TET1: variants seen among roughly 807,000 people sequenced by gnomAD.
TET1 encodes the protein methylcytosine dioxygenase TET1.
TET1 carries 13 observed loss-of-function variants against 148.7 expected under a neutral mutation model. That is an observed-to-expected ratio of 0.09 (90% CI 0.06 to 0.14). TET1 has a LOEUF of 0.14. Ranked by LOEUF, TET1 falls within the 10% of genes least tolerant of loss-of-function variation. The pLI is 1.00. For missense variants in TET1, 2,182 were observed against 2,553.8 expected, an observed-to-expected ratio of 0.85 and a Z score of 3.14; for synonymous variants, 907 against 937.2, an observed-to-expected ratio of 0.97 and a Z score of 0.59.
chr10:68,572,287 G>C lies in TET1; in HGVS notation c.-52G>C. On this transcript the variant is annotated 5_prime_UTR_variant, in exon 2 of 12. Transcript: ENST00000373644. ...CTCCTCAGAAGTGAGACTTTCCAAA[G>C]GACCAATGACTCTGTTTCCTGCGCC... 2 of 1,469,424 alleles carry C rather than the reference G, an allele frequency of 1.4e-6. No individual in the cohort carries two copies. The allele number at this position is 1,469,424 out of a possible 1,614,324, so 91.0% of individuals were successfully genotyped here.
Position 68,646,652 on chromosome 10 carries a change from A to G in TET1, c.3923A>G (p.Gln1308Arg). The change falls in exon 4 of 12, where the codon CAG becomes CGG. Residue 1308 changes from glutamine to arginine, a missense_variant. Physicochemically the swap from Gln to Arg is conservative, Grantham distance 43. This residue lies in a region of TET1 where 582 missense variants were observed against 599.5 expected (regional missense o/e 0.97). Coordinates refer to ENST00000373644, the MANE Select transcript of TET1 (RefSeq NM_030625.3). ...ACCCAGCCCTCCTCTCCACCTAACC[A>G]GTGTGCTAACGTGATGGCAGGCGAT... ...PLTQPSSPPN[Q>R]CANVMAGDDQ... 6.2e-7 allele frequency: 1 copy of G among 1,614,132 alleles called. No homozygotes were observed. The highest frequency in any genetic ancestry group is 1.1e-5 in the South Asian group (1 of 91,082).
At chr10:68,688,410 C>T (rs1229383130) in intron 11 of TET1, among the ~76,000 whole-genome samples, 1 of 146,286 alleles carries the variant, frequency 6.8e-6, no homozygotes, top group Non-Finnish European at 1.5e-5. Flanking sequence ...TTTGTCACAA[C>T]CTCAATTGTC....
chr10:68,582,384 C>A (rs1054004971), intron 2 of TET1, among the ~76,000 whole-genome samples: 4 of 152,130 alleles, frequency 2.6e-5, no homozygotes, highest in African/African-American at 9.7e-5. Context: ...GCATGAGCCA[C>A]CGCACCTGGC....
In TET1 at chr10:68,672,955, C is replaced by G. The variant is rs1182911407; in HGVS notation, c.4734C>G (p.Gly1578=). 2.5e-6 allele frequency: 4 copies of G among 1,611,798 alleles called. No individual in the cohort carries two copies. Among genetic ancestry groups the G allele is most frequent in the African/African-American group, 1.3e-5 (1 of 75,004 alleles). The change falls in exon 8 of 12, where the codon GGC becomes GGG. Residue 1578 remains glycine (G), a synonymous_variant. Transcript: ENST00000373644. ...CTTGTGGAGCTTCATTCTCTTTTGGCTGTTCATGGAGTATGTACTTTAATG... is the reference window on the plus strand; with the variant it reads ...CTTGTGGAGCTTCATTCTCTTTTGGGTGTTCATGGAGTATGTACTTTAATG... ...PETCGASFSF[G]CSWSMYFNGC... is the part of the protein sequence containing the mutation.
At position 68,646,543 on chromosome 10, in the gene TET1, T is replaced by C. The variant is rs750644966; in HGVS notation, c.3814T>C (p.Ser1272Pro). 1 of 1,614,158 alleles carries C rather than the reference T, an allele frequency of 6.2e-7. No homozygotes were observed. ...CAGCTTATTTCATCTTAAAACGGAA[T>C]CCAACGGGAAGGCATTCACTGATAA... is the stretch of plus-strand genomic sequence containing the variant. ...SLSLFHLKTE[S>P]NGKAFTDKAY... The change falls in exon 4 of 12, where the codon TCC (serine) becomes CCC (proline). Residue 1272 changes from serine to proline, a missense_variant. Ser to Pro is a moderately conservative substitution (Grantham distance 74). Around this residue, in one of 11 missense-constraint regions of TET1, gnomAD observed 582 missense variants for 599.5 expected, o/e 0.97. Coordinates refer to ENST00000373644, the MANE Select transcript of TET1 (RefSeq NM_030625.3).
chr10:68,618,828 C>G (rs1427046079), intron 3 of TET1, among the ~76,000 whole-genome samples: 1 of 152,054 alleles, frequency 6.6e-6, no homozygotes, highest in Non-Finnish European at 1.5e-5. Flanking sequence ...CTGGGCCTGG[C>G]CTGGTAGCAA....
At chr10:68,597,849 G>T (rs928413418) in intron 2 of TET1, among the ~76,000 whole-genome samples, 1 of 152,096 alleles carries the variant, frequency 6.6e-6, no homozygotes, top group Non-Finnish European at 1.5e-5. Flanking sequence ...AAAGAGAAAC[G>T]AAAAGAAAAA....
rs1220116067 is a variant in TET1, at chr10:68,573,596, G to A, written c.1258G>A (p.Gly420Ser). 5.6e-6 allele frequency: 9 copies of A among 1,613,986 alleles called. No individual in the cohort carries two copies. The highest frequency in any genetic ancestry group is 1.3e-5 in the African/African-American group (1 of 74,894). ...GTILDQQETL[G>S]MSGSVVPDLP... is the part of the protein sequence containing the mutation. The stretch of plus-strand genomic sequence containing the variant: ...TATTTTAGACCAACAAGAAACTCTT[G>A]GTATGAGTGGGAGTGTTGTCCCAGA... Residue 420 changes from glycine to serine, a missense_variant, in exon 2 of 12, where the codon GGT (glycine) becomes AGT (serine). Physicochemically the swap from Gly to Ser is moderately conservative, Grantham distance 56 (BLOSUM62 0). Coordinates refer to ENST00000373644, the MANE Select transcript of TET1 (RefSeq NM_030625.3).
In TET1 at chr10:68,643,540, G is replaced by A. The variant is rs143111700; in HGVS notation, c.1969-1158G>A. On this transcript the variant is annotated intron_variant, in intron 3 of 11. Transcript: ENST00000373644. ...AGTTTGTATCAAAATAATAGGTATGGCTGTGCACGGTGGCTCACACCTGTA... is the reference window on the plus strand; with the variant it reads ...AGTTTGTATCAAAATAATAGGTATGACTGTGCACGGTGGCTCACACCTGTA... Among the ~76,000 whole-genome samples, 273 of 152,192 alleles carry A rather than the reference G, an allele frequency of 1.8e-3. 2 individuals carry two copies. The highest frequency in any genetic ancestry group is 6.4e-3 in the African/African-American group (264 of 41,528).
chr10:68,675,605 A>T (rs1421058628), intron 8 of TET1, among the ~76,000 whole-genome samples: 1 of 141,288 alleles, frequency 7.1e-6, no homozygotes, highest in Non-Finnish European at 1.5e-5. Flanking sequence ...TCGCTCTGTC[A>T]TCCAGGCTGG....
chr10:68,653,585 T>C (rs2054972094), intron 6 of TET1, among the ~76,000 whole-genome samples: 1 of 152,222 alleles, frequency 6.6e-6, no homozygotes, highest in Non-Finnish European at 1.5e-5. Flanking sequence ...ATTCTACATA[T>C]TGCATCTTTA....
chr10:68,652,562 A>C lies in TET1; in HGVS notation c.4429A>C (p.Lys1477Gln). The change falls in exon 6 of 12, where the codon AAA becomes CAA. Residue 1477 changes from lysine (K) to glutamine (Q), a missense_variant. Lys to Gln is a moderately conservative substitution (Grantham distance 53). This residue lies in a region of TET1 where 169 missense variants were observed against 263.7 expected (regional missense o/e 0.64). Coordinates refer to ENST00000373644, the MANE Select transcript of TET1 (RefSeq NM_030625.3). ...EIVVYTGKEGKSSHGCPIAKW... is the reference protein window; with the variant it reads ...EIVVYTGKEGQSSHGCPIAKW... ...AGTAGTGTACACCGGTAAAGAAGGG[A>C]AAAGCTCTCATGGGTGTCCAATTGC... 6.2e-7 allele frequency: 1 copy of C among 1,612,368 alleles called. No homozygotes were observed. The highest frequency in any genetic ancestry group is 8.5e-7 in the Non-Finnish European group (1 of 1,179,062).
chr10:68,654,106 C>A (rs867983941), intron 6 of TET1, among the ~76,000 whole-genome samples: 393 of 84,954 alleles, frequency 4.6e-3, no homozygotes, highest in South Asian at 5.1e-3. Context: ...AAAATGTCTC[C>A]AAAAAAAAAA....
chr10:68,607,773 C>CATAT (rs578195881), intron 3 of TET1, among the ~76,000 whole-genome samples: 4 of 147,246 alleles, frequency 2.7e-5, no homozygotes, highest in Non-Finnish European at 4.5e-5. Context: ...CAATGTCATT[C>CATAT]ATATATATAT....
intron 8 of TET1, chr10:68,674,942 C>A (rs372167889): frequency 1.6e-5 from 6 of 370,154 alleles, no homozygotes; most frequent in South Asian, 1.2e-4. Context: ...TCCATGATGT[C>A]TTTGTTAGAT....
chr10:68,618,072 C>T (rs1162725259), intron 3 of TET1, among the ~76,000 whole-genome samples: 1 of 151,900 alleles, frequency 6.6e-6, no homozygotes, highest in Non-Finnish European at 1.5e-5. Context: ...CCATACCTGG[C>T]TTTGAATTTT....
chr10:68,561,002 C>A (rs1008076849), intron 1 of TET1, among the ~76,000 whole-genome samples: 1 of 152,212 alleles, frequency 6.6e-6, no homozygotes, highest in African/African-American at 2.4e-5. Flanking sequence ...GAGGCCCCGC[C>A]ACAGCGCCGG....
intron 6 of TET1, among the ~76,000 whole-genome samples, chr10:68,664,205 C>T (rs2055162556): frequency 6.6e-6 from 1 of 151,954 alleles, no homozygotes; most frequent in African/African-American, 2.4e-5. Flanking sequence ...ATATGCTCAT[C>T]ATCTATTTTC....
At chr10:68,627,743 T>C (rs569846579) in intron 3 of TET1, among the ~76,000 whole-genome samples, 11 of 150,140 alleles carry the variant, frequency 7.3e-5, no homozygotes, top group South Asian at 4.2e-4. Flanking sequence ...CTGGCCATCA[T>C]GGTGAAACCC....
Sources: allele counts gnomAD v4.1 joint callset (sites outside exome capture counted in the v4.1 genomes callset), GRCh38; gene constraint gnomAD v4.1.1; regional missense constraint gnomAD v4.1.1; transcripts MANE v1.5; gene names NCBI Gene and HGNC (gene_info 2026-07-23, HGNC 2026-07-21).